Variants in HEATR4 observed in about 807,000 individuals in gnomAD.
The protein encoded by HEATR4 is HEAT repeat-containing protein 4.
Under a neutral mutation model 108.8 loss-of-function variants are expected in HEATR4, and 95 were observed. The ratio of observed to expected loss-of-function variants is 0.87; its 90% CI spans 0.74 to 1.04. HEATR4 has a LOEUF of 1.04. Ranked by LOEUF, HEATR4 falls within the 50% of genes least tolerant of loss-of-function variation. HEATR4 has a pLI of 0.00. For synonymous variants in HEATR4, 443 were observed against 459.4 expected (o/e 0.96, Z 0.46); for missense variants, 1,152 against 1,253.8 (o/e 0.92, Z 1.23).
chr14:73,502,479 C>T (rs1886533293), intron 11 of HEATR4, among the ~76,000 whole-genome samples: 1 of 152,076 alleles, frequency 6.6e-6, no homozygotes, highest in African/African-American at 2.4e-5. Flanking sequence ...TAATTTTTTA[C>T]AGTGGGACCT....
rs1269038201 is a variant in HEATR4 at position 73,552,830 on chromosome 14, CATGCCTGTCTT to C, written c.-152+5910_-152+5920del. On this transcript the variant is annotated intron_variant, in intron 1 of 17. Coordinates refer to ENST00000553558, the MANE Select transcript of HEATR4 (RefSeq NM_001220484.1). ...CCCCTCACCCAGACCCCCAACACCT[CATGCCTGTCTT>C]ATGCCATGAGTCTGAGGCCCCTGAC... Among the ~76,000 whole-genome samples the C allele has an allele frequency of 1.9e-5, 2 of 106,552 alleles. 1 individual carries two copies. The highest frequency in any genetic ancestry group is 6.7e-5 in the African/African-American group (2 of 29,714). The allele number at this position is 106,552 out of a possible 152,430, so 69.9% of individuals were successfully genotyped here.
chr14:73,616,313 ATATTATTAT>A, the HEATR4 span, among the ~76,000 whole-genome samples: 2 of 151,494 alleles, frequency 1.3e-5, no homozygotes, highest in African/African-American at 2.4e-5. Context: ...TGTGAAAATA[ATATTATTAT>A]TATTATTATT....
chr14:73,621,680 G>A, the HEATR4 span, among the ~76,000 whole-genome samples: 1 of 151,630 alleles, frequency 6.6e-6, no homozygotes, highest in South Asian at 2.1e-4. Context: ...TTCCTTAGAG[G>A]TAACTTAATT....
At chr14:73,592,357 G>T in the HEATR4 span, 1 of 1,589,144 alleles carries the variant, frequency 6.3e-7, no homozygotes, top group Admixed American at 1.8e-5. Context: ...CTCCCGCCAG[G>T]GGTGCGGCGC....
At chr14:73,499,041 G>A in intron 13 of HEATR4, 30 bp downstream of exon 13, 2 of 1,589,870 alleles carry the variant, frequency 1.3e-6, no homozygotes, top group Non-Finnish European at 1.7e-6. Flanking sequence ...ATTTAAGGTT[G>A]AAGAGTTTGG....
chr14:73,561,551 G>A (rs1417183676), upstream of HEATR4, among the ~76,000 whole-genome samples: 1 of 151,828 alleles, frequency 6.6e-6, no homozygotes, highest in Non-Finnish European at 1.5e-5. Flanking sequence ...GCTGGGCATG[G>A]TGGCACACAC....
chr14:73,615,628 G>C, the HEATR4 span, among the ~76,000 whole-genome samples: 2 of 151,986 alleles, frequency 1.3e-5, no homozygotes, highest in African/African-American at 4.8e-5. Flanking sequence ...TACTCGGGAG[G>C]CTGAGGCAGG....
At chr14:73,560,212 G>A (rs1291148457), upstream of HEATR4, among the ~76,000 whole-genome samples, 4 of 152,156 alleles carry the variant, frequency 2.6e-5, no homozygotes, top group East Asian at 7.7e-4. Context: ...GCTCTGTCTC[G>A]TTGACCCAGG....
chr14:73,503,454 A>C (rs978519822), intron 10 of HEATR4, among the ~76,000 whole-genome samples: 4 of 152,190 alleles, frequency 2.6e-5, no homozygotes, highest in Admixed American at 2.6e-4. Flanking sequence ...TGGTCACTCT[A>C]TAAGTGCACT....
chr14:73,558,418 G>A (rs1314052926), intron 1 of HEATR4, among the ~76,000 whole-genome samples: 6 of 134,000 alleles, frequency 4.5e-5, no homozygotes, highest in African/African-American at 1.4e-4. Flanking sequence ...GTACAGTGGC[G>A]TGATCATGAC....
chr14:73,524,635 C>T (rs1017525883), intron 2 of HEATR4, among the ~76,000 whole-genome samples: 2 of 149,462 alleles, frequency 1.3e-5, no homozygotes, highest in African/African-American at 2.5e-5. Context: ...TCACATAGCC[C>T]GTAAGCAGAG....
At chr14:73,629,189 A>G in the HEATR4 span, among the ~76,000 whole-genome samples, 1 of 152,224 alleles carries the variant, frequency 6.6e-6, no homozygotes, top group African/African-American at 2.4e-5. Flanking sequence ...CTGAAGTCTC[A>G]GATAATCATT....
At chr14:73,592,241 G>A in the HEATR4 span, 4 of 1,613,208 alleles carry the variant, frequency 2.5e-6, no homozygotes, top group African/African-American at 2.7e-5. Context: ...GGCGCTTCCT[G>A]AAGCGGGACG....
At chr14:73,570,060 C>G in the HEATR4 span, among the ~76,000 whole-genome samples, 2 of 151,526 alleles carry the variant, frequency 1.3e-5, no homozygotes, top group Admixed American at 1.3e-4. Context: ...TCCCTAAGAG[C>G]TGGGATTACA....
At chr14:73,504,464 G>A (rs755931317) in intron 10 of HEATR4, among the ~76,000 whole-genome samples, 3 of 151,980 alleles carry the variant, frequency 2.0e-5, no homozygotes, top group African/African-American at 4.8e-5. Flanking sequence ...GGATGGTCTC[G>A]ATCTCCTGAC....
chr14:73,591,993 C>G, the HEATR4 span: 1 of 1,418,882 alleles, frequency 7.0e-7, no homozygotes. Flanking sequence ...GCCCCCAGGC[C>G]GCTGCTGCTG....
chr14:73,494,474 A>G (rs1368791659), intron 16 of HEATR4, among the ~76,000 whole-genome samples: 1 of 152,212 alleles, frequency 6.6e-6, no homozygotes, highest in Non-Finnish European at 1.5e-5. Flanking sequence ...AAAGTTACAA[A>G]AGCATAGACA....
the HEATR4 span, among the ~76,000 whole-genome samples, chr14:73,585,390 A>ACTAT: frequency 2.0e-5 from 3 of 151,816 alleles, no homozygotes; most frequent in African/African-American, 7.3e-5. Flanking sequence ...ACTTTTTAAT[A>ACTAT]CTATCGCATT....
chr14:73,569,926 A>G, the HEATR4 span: 2 of 1,572,072 alleles, frequency 1.3e-6, no homozygotes, highest in Non-Finnish European at 1.7e-6. Context: ...TTCGCCTTTC[A>G]CTTTGTGTGT....
Sources: allele counts gnomAD v4.1 joint callset (sites outside exome capture counted in the v4.1 genomes callset), GRCh38; gene constraint gnomAD v4.1.1; transcripts MANE v1.5; gene names NCBI Gene and HGNC (gene_info 2026-07-23, HGNC 2026-07-21).